Variants in PRH1 observed in about 807,000 individuals in gnomAD.
The protein encoded by PRH1 is salivary acidic proline-rich phosphoprotein 1/2.
Under a neutral mutation model 7.9 loss-of-function variants are expected in PRH1, and 7 were observed. The observed-to-expected ratio is 0.89, with a 90% CI of 0.50 to 1.67. PRH1 has a LOEUF of 1.67. Among genes scored for constraint, PRH1 ranks in the 40% most tolerant of loss-of-function variants. The pLI is 0.00. For synonymous variants in PRH1, 45 were observed against 80.8 expected (o/e 0.56, Z 2.38); for missense variants, 109 against 223.6 (o/e 0.49, Z 3.27).
chr12:11,161,423 C>T (rs35746980), intron 1 of PRH1, among the ~76,000 whole-genome samples: 44,120 of 152,082 alleles, frequency 0.29, 8,275 homozygotes, highest in East Asian at 0.74. Context: ...ACTGGCAACA[C>T]GATGGCACAT....
chr12:11,135,966 C>A (rs1946538243), intron 1 of PRH1, among the ~76,000 whole-genome samples: 1 of 151,604 alleles, frequency 6.6e-6, no homozygotes. Context: ...AGAAATGAAC[C>A]AAAACAAAAA....
At chr12:10,930,165 G>T in intron 2 of PRH1, 3 of 1,320,076 alleles carry the variant, frequency 2.3e-6, no homozygotes, top group Non-Finnish European at 2.2e-6. Flanking sequence ...ATCTCAAAGG[G>T]GATGCACAGG....
intron 2 of PRH1, among the ~76,000 whole-genome samples, chr12:10,903,946 A>C (rs1027513231): frequency 6.8e-6 from 1 of 146,358 alleles, no homozygotes; most frequent in African/African-American, 2.4e-5. Context: ...AAAAAAAAAA[A>C]AAAAAAAACA....
At chr12:11,137,801 T>C (rs1443126043) in intron 1 of PRH1, among the ~76,000 whole-genome samples, 2 of 152,202 alleles carry the variant, frequency 1.3e-5, no homozygotes, top group Non-Finnish European at 2.9e-5. Context: ...TGTGTTTAAA[T>C]ATTTCAAAAA....
rs1202538130 is a variant in PRH1 at position 11,089,860 on chromosome 12, GCAT to G, written n.124-42675_124-42673del. 1.5e-3 allele frequency among the ~76,000 whole-genome samples: 171 copies of G among 111,154 alleles called. 38 individuals are homozygous for G. Among genetic ancestry groups the G allele is most frequent in the African/African-American group, 4.9e-3 (164 of 33,754 alleles). 72.9% of individuals were successfully genotyped at this position (111,154 alleles called of 152,430 possible). A position where few individuals can be genotyped will look rare whatever the true frequency, so the allele number is the denominator to read the frequency against. On this transcript the variant is annotated intron_variant and non_coding_transcript_variant, in intron 1 of 4. Transcript: ENST00000541977. The stretch of plus-strand genomic sequence containing the variant: ...TCCAACTCAGACACCTGATACAGCT[GCAT>G]CAAGACTATATTATTGTGATATTTC...
upstream of PRH1, among the ~76,000 whole-genome samples, chr12:11,050,595 T>C (rs1342741684): frequency 6.6e-6 from 1 of 152,270 alleles, no homozygotes; most frequent in Non-Finnish European, 1.5e-5. Context: ...CATAGGCCTT[T>C]GGTAAATTTA....
rs180863747 is a variant in PRH1 at position 11,147,408 on chromosome 12, G to A, written n.39+24014C>T. ...TCACCAGGTTTCCCAGGCTGGTCTC[G>A]AGCCCCTGGACTCAAGGAATCCACC... is the stretch of plus-strand genomic sequence containing the variant. On this transcript the variant is annotated intron_variant and non_coding_transcript_variant, in intron 1 of 1. Transcript: ENST00000541175. Among the ~76,000 whole-genome samples, 9 of 152,132 alleles carry A rather than the reference G, an allele frequency of 5.9e-5. No homozygotes were observed. In the East Asian group the frequency reaches 1.4e-3, roughly 23 times the overall value.
intron 1 of PRH1, among the ~76,000 whole-genome samples, chr12:11,147,085 T>A (rs1446782750): frequency 6.6e-6 from 1 of 152,210 alleles, no homozygotes; most frequent in Non-Finnish European, 1.5e-5. Context: ...TTTCACAATT[T>A]TCACAAAACT....
chr12:10,945,981 C>A (rs911805853), intron 2 of PRH1, among the ~76,000 whole-genome samples: 2 of 152,110 alleles, frequency 1.3e-5, no homozygotes, highest in African/African-American at 2.4e-5. Context: ...CCCTTTTTCC[C>A]TAAACATTGC....
At chr12:11,017,396 T>A (rs377224494) in intron 1 of PRH1, among the ~76,000 whole-genome samples, 26 of 150,038 alleles carry the variant, frequency 1.7e-4, no homozygotes, top group African/African-American at 6.3e-4. Flanking sequence ...GAAAGAGACA[T>A]GCCTGAAAAT....
At chr12:10,938,506 G>A in intron 2 of PRH1, 2 of 1,614,068 alleles carry the variant, frequency 1.2e-6, no homozygotes, top group Non-Finnish European at 1.7e-6. Context: ...GGAAGAAAGT[G>A]ATCACACTTT....
chr12:11,045,874 C>T (rs916567652), intron 1 of PRH1, among the ~76,000 whole-genome samples: 1 of 142,558 alleles, frequency 7.0e-6, no homozygotes, highest in Non-Finnish European at 1.6e-5. Context: ...AATGTGGTCA[C>T]CAATCAAAGG....
At chr12:11,112,363 T>A (rs1945614013) in intron 1 of PRH1, among the ~76,000 whole-genome samples, 1 of 152,120 alleles carries the variant, frequency 6.6e-6, no homozygotes, top group Admixed American at 6.6e-5. Context: ...GAGAAAATTT[T>A]AGGCCAATAT....
chr12:11,042,619 C>T (rs1228053729), intron 1 of PRH1, among the ~76,000 whole-genome samples: 1 of 105,492 alleles, frequency 9.5e-6, no homozygotes, highest in Non-Finnish European at 1.9e-5. Context: ...CTTCCAGGCT[C>T]ATTCTTTTTT....
chr12:11,022,390 A>T (rs1319064508), intron 1 of PRH1: 4 of 1,559,550 alleles, frequency 2.6e-6, no homozygotes, highest in South Asian at 2.2e-5. Context: ...GAATAACATG[A>T]CCCAGAGTAA....
chr12:11,051,552 A>G (rs890962956), upstream of PRH1, among the ~76,000 whole-genome samples: 2 of 152,200 alleles, frequency 1.3e-5, no homozygotes, highest in African/African-American at 4.8e-5. Flanking sequence ...AATGTTGCTA[A>G]CAGCCTAGGT....
rs1422853302 is a variant in PRH1, at chr12:10,986,277, A to T, written c.-125-12556T>A. ...ACACAGAGAACAGATTAGCATCAGA[A>T]AAGATATCAGGGACAGAGTAAAGGG... On this transcript the variant is annotated intron_variant, in intron 1 of 3. Coordinates refer to the PRH1 transcript ENST00000539853. 3 of 1,614,000 alleles carry T rather than the reference A, an allele frequency of 1.9e-6. No individual in the cohort carries two copies. In the African/African-American group the frequency reaches 4.0e-5, roughly 22 times the overall value.
intron 1 of PRH1, among the ~76,000 whole-genome samples, chr12:11,141,727 T>C (rs1298997364): frequency 6.6e-6 from 1 of 152,236 alleles, no homozygotes; most frequent in African/African-American, 2.4e-5. Context: ...TCAAGGATTA[T>C]TAATTTTTCA....
In PRH1 at chr12:10,938,391, G is replaced by A. The variant is rs751284018; in HGVS notation, c.-59+35264C>T. 1.9e-6 allele frequency: 3 copies of A among 1,613,898 alleles called. No individual in the cohort carries two copies. In the African/African-American group the frequency reaches 4.0e-5, roughly 22 times the overall value. ...ATCAGAACACATGAGTGACATGAAG[G>A]ATAAGCCATTCCCATCACCTGGGAA... On this transcript the variant is annotated intron_variant, in intron 2 of 3. Coordinates refer to the PRH1 transcript ENST00000539853.
Sources: gnomAD v4.1 joint callset for allele counts (sites outside exome capture counted in the v4.1 genomes callset) on GRCh38, gnomAD v4.1.1 for gene constraint, MANE v1.5 for transcripts, NCBI Gene and HGNC (gene_info 2026-07-23, HGNC 2026-07-21) for gene names.